The following GRIA1 variants were observed in gnomAD, a reference collection of about 807,000 sequenced individuals.
GRIA1 encodes glutamate receptor 1.
A neutral mutation model predicts 99.2 loss-of-function variants in GRIA1; 31 were observed. The observed-to-expected ratio is 0.31, with a 90% confidence interval of 0.23 to 0.42. The LOEUF (loss-of-function observed/expected upper bound fraction) is 0.42. Ranked by LOEUF, GRIA1 falls within the 10% of genes least tolerant of loss-of-function variation. GRIA1 has a pLI of 1.00. For missense variants in GRIA1, 782 were observed against 1,157.5 expected, an observed-to-expected ratio of 0.68 and a Z score of 4.71; for synonymous variants, 438 against 432.4, an observed-to-expected ratio of 1.01 and a Z score of -0.16.
At chr5:153,805,142 G>A (rs956143711) in intron 15 of GRIA1, among the ~76,000 whole-genome samples, 4 of 152,180 alleles carry the variant, frequency 2.6e-5, no homozygotes, top group Middle Eastern at 6.8e-3. Flanking sequence ...GGATTATAAA[G>A]AGCTTGGCAA....
chr5:153,535,306 C>G (rs141922985), intron 2 of GRIA1, among the ~76,000 whole-genome samples: 4 of 152,184 alleles, frequency 2.6e-5, no homozygotes, highest in Non-Finnish European at 5.9e-5. Context: ...ATGTCAAACA[C>G]GTACAGACTA....
At chr5:153,561,103 T>C (rs1761085288) in intron 2 of GRIA1, among the ~76,000 whole-genome samples, 1 of 152,232 alleles carries the variant, frequency 6.6e-6, no homozygotes, top group Admixed American at 6.5e-5. Flanking sequence ...GGCCTTGTTT[T>C]ATTCAATGGC....
Position 153,695,883 on chromosome 5 carries a change from A to G in GRIA1, c.1135-2161A>G, listed in dbSNP as rs186741194. Among the ~76,000 whole-genome samples the G allele has an allele frequency of 3.9e-4, 59 of 152,338 alleles. No homozygotes were observed. The South Asian group carries it at 4.6e-3, about 12-fold the overall frequency. ...TGCTGGGTCACTGCTGCCTGGATGC[A>G]TTCATTCTGTCCACAAACATTTCCT... On this transcript the variant is annotated intron_variant, in intron 8 of 15. Transcript: ENST00000285900.
At chr5:153,695,037 CAG>C (rs1281408923) in intron 8 of GRIA1, among the ~76,000 whole-genome samples, 2 of 151,966 alleles carry the variant, frequency 1.3e-5, no homozygotes, top group African/African-American at 4.8e-5. Flanking sequence ...TCATATTTGA[CAG>C]ATATTTTCCC....
chr5:153,608,285 C>T (rs1186159430), intron 2 of GRIA1, among the ~76,000 whole-genome samples: 2 of 152,074 alleles, frequency 1.3e-5, no homozygotes, highest in African/African-American at 4.8e-5. Context: ...AAATTTGTGT[C>T]TTGATGTCTT....
chr5:153,692,979 A>C (rs1757864425), intron 8 of GRIA1, among the ~76,000 whole-genome samples: 1 of 152,212 alleles, frequency 6.6e-6, no homozygotes, highest in Admixed American at 6.5e-5. Flanking sequence ...TATTAACTTC[A>C]AATCTTTTAA....
intron 14 of GRIA1, among the ~76,000 whole-genome samples, chr5:153,799,412 G>A (rs1765854886): frequency 6.6e-6 from 1 of 152,202 alleles, no homozygotes; most frequent in Non-Finnish European, 1.5e-5. Context: ...GAAGACCATG[G>A]CCTGAGGCCT....
chr5:153,804,807 A>G (rs1032775121), intron 15 of GRIA1, among the ~76,000 whole-genome samples: 1 of 151,996 alleles, frequency 6.6e-6, no homozygotes, highest in Non-Finnish European at 1.5e-5. Context: ...GCTGGAGTGC[A>G]GTGGCATGAT....
At chr5:153,536,329 A>G (rs1190952588) in intron 2 of GRIA1, among the ~76,000 whole-genome samples, 1 of 152,006 alleles carries the variant, frequency 6.6e-6, no homozygotes. Flanking sequence ...ATCCCTACCA[A>G]TAAGCTTTCC....
At chr5:153,736,575 G>C (rs1253798074) in intron 11 of GRIA1, among the ~76,000 whole-genome samples, 1 of 152,144 alleles carries the variant, frequency 6.6e-6, no homozygotes, top group Admixed American at 6.6e-5. Context: ...CTGGATGTTT[G>C]GGGGTAGCTG....
intron 2 of GRIA1, among the ~76,000 whole-genome samples, chr5:153,582,910 C>T (rs1452650834): frequency 1.3e-5 from 2 of 152,104 alleles, no homozygotes; most frequent in African/African-American, 4.8e-5. Flanking sequence ...CAATCATCCA[C>T]CTGAGCCTCC....
intron 2 of GRIA1, among the ~76,000 whole-genome samples, chr5:153,565,594 A>G (rs1404921219): frequency 1.3e-5 from 2 of 152,160 alleles, no homozygotes. Context: ...ATTAGCTGTC[A>G]TTCCCCAGCA....
intron 9 of GRIA1, among the ~76,000 whole-genome samples, chr5:153,698,666 T>G (rs1236493761): frequency 6.6e-6 from 1 of 152,156 alleles, no homozygotes; most frequent in African/African-American, 2.4e-5. Flanking sequence ...TGATAAAACA[T>G]TCTTATTTTA....
intron 8 of GRIA1, among the ~76,000 whole-genome samples, chr5:153,689,543 C>T (rs1366451279): frequency 6.6e-6 from 1 of 152,122 alleles, no homozygotes; most frequent in African/African-American, 2.4e-5. Context: ...CGTTAGTGGT[C>T]ACTGGGTATA....
chr5:153,735,510 A>C (rs1214800449), intron 11 of GRIA1, among the ~76,000 whole-genome samples: 1 of 152,184 alleles, frequency 6.6e-6, no homozygotes, highest in Non-Finnish European at 1.5e-5. Context: ...TCAGGGGTCG[A>C]TCTTTAACTA....
At chr5:153,684,481 A>T (rs887315098) in intron 7 of GRIA1, among the ~76,000 whole-genome samples, 17 of 152,234 alleles carry the variant, frequency 1.1e-4, no homozygotes, top group African/African-American at 4.1e-4. Flanking sequence ...CATGCTGATT[A>T]TTAGTATGAA....
intron 2 of GRIA1, among the ~76,000 whole-genome samples, chr5:153,610,315 G>C (rs1765868964): frequency 6.6e-6 from 1 of 152,206 alleles, no homozygotes; most frequent in Non-Finnish European, 1.5e-5. Flanking sequence ...CACAGAAAAT[G>C]AGGTAGGATG....
At chr5:153,541,944 A>C (rs890201251) in intron 2 of GRIA1, among the ~76,000 whole-genome samples, 4 of 143,780 alleles carry the variant, frequency 2.8e-5, no homozygotes, top group African/African-American at 1.1e-4. Flanking sequence ...AAAAAAAAAA[A>C]AAAAAAAACA....
At chr5:153,625,036 T>G (rs1186848816) in intron 2 of GRIA1, among the ~76,000 whole-genome samples, 1 of 152,210 alleles carries the variant, frequency 6.6e-6, no homozygotes, top group African/African-American at 2.4e-5. Flanking sequence ...AGAAGATGCC[T>G]TGGCTATACA....
Sources: allele counts gnomAD v4.1 joint callset (sites outside exome capture counted in the v4.1 genomes callset), GRCh38; gene constraint gnomAD v4.1.1; transcripts MANE v1.5; gene names NCBI Gene and HGNC (gene_info 2026-07-23, HGNC 2026-07-21).